Variants in ZZZ3 observed in about 807,000 individuals in gnomAD.
ZZZ3 encodes the protein zinc finger ZZ-type containing 3.
In ZZZ3, 22 loss-of-function variants were observed where a neutral mutation model predicts 95.2. The observed-to-expected ratio is 0.23, with a 90% CI of 0.17 to 0.33. The LOEUF (loss-of-function observed/expected upper bound fraction) is 0.33, where lower values mean the gene tolerates loss of function less well. Among genes scored for constraint, ZZZ3 ranks in the 10% least tolerant of loss-of-function variants. The pLI, the probability that ZZZ3 is intolerant of heterozygous loss-of-function variation, is 1.00. For missense variants in ZZZ3, 885 were observed against 1,066.5 expected (o/e 0.83, Z 2.37); for synonymous variants, 335 against 358.9 (o/e 0.93, Z 0.75).
intron 1 of ZZZ3, among the ~76,000 whole-genome samples, chr1:77,672,877 A>G (rs1179622096): frequency 5.9e-5 from 9 of 152,188 alleles, no homozygotes; most frequent in Non-Finnish European, 1.2e-4. Context: ...ATGTTCCCCT[A>G]TTGCATGATG....
At chr1:77,625,089 T>A (rs1369144218) in intron 5 of ZZZ3, among the ~76,000 whole-genome samples, 1 of 152,186 alleles carries the variant, frequency 6.6e-6, no homozygotes, top group Non-Finnish European at 1.5e-5. Context: ...GGGTTTTCTG[T>A]ACACTTCTAT....
chr1:77,607,314 C>T (rs1557720347), intron 5 of ZZZ3, among the ~76,000 whole-genome samples: 1 of 152,126 alleles, frequency 6.6e-6, no homozygotes, highest in African/African-American at 2.4e-5. Context: ...GGAAACCATC[C>T]CCATGATTCA....
At chr1:77,673,829 G>A (rs992850709) in intron 1 of ZZZ3, among the ~76,000 whole-genome samples, 1 of 151,756 alleles carries the variant, frequency 6.6e-6, no homozygotes, top group Non-Finnish European at 1.5e-5. Context: ...TTGGTGGGGA[G>A]GCTCACAACA....
In ZZZ3 at chr1:77,598,765, C is replaced by T. The variant is rs573822955; in HGVS notation, c.1506-14110G>A. Among the ~76,000 whole-genome samples the T allele has an allele frequency of 4.6e-5, 7 of 152,240 alleles. No individual in the cohort carries two copies. In the South Asian group the frequency reaches 6.2e-4, roughly 14 times the overall value. On this transcript the variant is annotated intron_variant, in intron 5 of 14. Coordinates refer to ENST00000370801, the MANE Select transcript of ZZZ3 (RefSeq NM_015534.6). ...TCTAGACTCAATGGAGAGATTTATT[C>T]GAAATACCTTTTTAGATATTATCTC... is the stretch of plus-strand genomic sequence containing the variant.
At chr1:77,577,697 A>T (rs1410791622) in intron 11 of ZZZ3, among the ~76,000 whole-genome samples, 1 of 152,176 alleles carries the variant, frequency 6.6e-6, no homozygotes, top group Non-Finnish European at 1.5e-5. Flanking sequence ...TTATTAAGAA[A>T]ATTTAAAACA....
chr1:77,592,508 GTCAGGCTGGTTTCGAAA>G (rs898844233), intron 5 of ZZZ3, among the ~76,000 whole-genome samples: 9 of 152,066 alleles, frequency 5.9e-5, no homozygotes, highest in African/African-American at 2.2e-4. Flanking sequence ...CACCATGTTG[GTCAGGCTGGTTTCGAAA>G]TCCTGACCTC....
At chr1:77,576,907 C>A (rs1036075230) in intron 11 of ZZZ3, among the ~76,000 whole-genome samples, 3 of 152,202 alleles carry the variant, frequency 2.0e-5, no homozygotes, top group African/African-American at 7.2e-5. Flanking sequence ...ATGCCAATGT[C>A]ATTTAATCCT....
intron 12 of ZZZ3, among the ~76,000 whole-genome samples, chr1:77,574,951 C>T (rs997362558): frequency 3.6e-4 from 55 of 152,174 alleles, no homozygotes; most frequent in African/African-American, 1.3e-3. Context: ...TTTGGGAGGC[C>T]GAGGCAGGCA....
At chr1:77,570,681 T>A (rs11162366) in intron 12 of ZZZ3, among the ~76,000 whole-genome samples, 91,403 of 149,896 alleles carry the variant, frequency 0.61, 30,054 homozygotes, top group Non-Finnish European at 0.74. Context: ...TATTATTATT[T>A]TTTTGAGAGA....
At chr1:77,620,484 TGGAAGGAAGGAAGGAAGGAAGGAAGGAA>T (rs67469701) in intron 5 of ZZZ3, among the ~76,000 whole-genome samples, 15 of 135,716 alleles carry the variant, frequency 1.1e-4, no homozygotes, top group East Asian at 4.4e-4. Context: ...AACGAAAGAA[TGGAAGGAAGGAAGGAAGGAAGGAAGGAA>T]GGAAGGAAGG....
At position 77,579,384 on chromosome 1, in the gene ZZZ3, A is replaced by AT. The variant is rs1442210611; in HGVS notation, c.2082+142dup. ...TCTGAAATCAACGAAAATATATACA[A>AT]TTTTTTTAAAAAAACACCACATACT... is the stretch of plus-strand genomic sequence containing the variant. On this transcript the variant is annotated intron_variant, in intron 10 of 14. Coordinates refer to ENST00000370801, the MANE Select transcript of ZZZ3 (RefSeq NM_015534.6). The AT allele has an allele frequency of 1.1e-4, 57 of 540,258 alleles. 1 individual carries two copies. The highest frequency in any genetic ancestry group is 9.6e-4 in the African/African-American group (48 of 50,180). The allele number at this position is 540,258 out of a possible 1,614,324, so 33.5% of individuals were successfully genotyped here. A position where few individuals can be genotyped will look rare whatever the true frequency, so the allele number is the denominator to read the frequency against.
intron 13 of ZZZ3, among the ~76,000 whole-genome samples, chr1:77,567,415 T>C (rs1436069045): frequency 6.6e-6 from 1 of 152,198 alleles, no homozygotes; most frequent in Non-Finnish European, 1.5e-5. Flanking sequence ...AACCCACTGC[T>C]TTCCTAAAGA....
intron 12 of ZZZ3, among the ~76,000 whole-genome samples, chr1:77,572,738 G>T (rs1171071429): frequency 1.3e-5 from 2 of 152,128 alleles, no homozygotes; most frequent in African/African-American, 4.8e-5. Context: ...CCAGGCTCAA[G>T]TGATCCTCCC....
intron 13 of ZZZ3, among the ~76,000 whole-genome samples, chr1:77,566,473 T>G (rs557895578): frequency 6.6e-6 from 1 of 152,320 alleles, no homozygotes; most frequent in South Asian, 2.1e-4. Flanking sequence ...ATCTCCAACT[T>G]GGGTGTTTTG....
Position 77,578,830 on chromosome 1 carries a change from T to C in ZZZ3, c.2122A>G (p.Lys708Glu). 1 of 1,579,220 alleles carries C rather than the reference T, an allele frequency of 6.3e-7. No homozygotes were observed. The highest frequency in any genetic ancestry group is 8.6e-7 in the Non-Finnish European group (1 of 1,165,534). ...CTGCCTGGTACTGGAATGCCAGCTT[T>C]AGTTAGCTTTATGAAATACTTCTGT... is the stretch of plus-strand genomic sequence containing the variant. ...RVQKYFIKLT[K>E]AGIPVPGRTP... Residue 708 changes from lysine to glutamate, a missense_variant, in exon 11 of 15, where the codon AAA becomes GAA. Coordinates refer to ENST00000370801, the MANE Select transcript of ZZZ3 (RefSeq NM_015534.6).
At chr1:77,568,588 C>T (rs891550354) in intron 12 of ZZZ3, 122 bp from the exon 13 acceptor site, 1 of 497,312 alleles carries the variant, frequency 2.0e-6, no homozygotes, top group African/African-American at 2.1e-5. Flanking sequence ...TCTCTTAGTA[C>T]TCATAGAAAA....
At chr1:77,641,830 T>C (rs926498620) in intron 1 of ZZZ3, among the ~76,000 whole-genome samples, 175 bp from the exon 2 acceptor site, 1 of 152,232 alleles carries the variant, frequency 6.6e-6, no homozygotes, top group Non-Finnish European at 1.5e-5. Context: ...ACTAAGATGA[T>C]TGGCTAACAC....
chr1:77,639,091 G>GTAGT (rs1668545181), intron 4 of ZZZ3, among the ~76,000 whole-genome samples: 2 of 152,016 alleles, frequency 1.3e-5, no homozygotes, highest in Admixed American at 1.3e-4. Context: ...AGGTAGGTAG[G>GTAGT]CAGGCAGATA....
intron 5 of ZZZ3, among the ~76,000 whole-genome samples, chr1:77,612,381 GA>G (rs1665898131): frequency 6.6e-6 from 1 of 151,946 alleles, no homozygotes; most frequent in Non-Finnish European, 1.5e-5. Flanking sequence ...AAACAGTATG[GA>G]AGTTCCTAAA....
Sources: gnomAD v4.1 joint callset for allele counts (sites outside exome capture counted in the v4.1 genomes callset) on GRCh38, gnomAD v4.1.1 for gene constraint, MANE v1.5 for transcripts, NCBI Gene and HGNC (gene_info 2026-07-23, HGNC 2026-07-21) for gene names.